The following VCF1 variants were observed in gnomAD, a reference collection of about 807,000 sequenced individuals.
The protein encoded by VCF1 is protein VCF1.
At chr17:73,208,398 A>G in the VCF1 span, 145 of 1,614,128 alleles carry the variant, frequency 9.0e-5, no homozygotes, top group Non-Finnish European at 1.2e-4. Flanking sequence ...AGAAGACAAC[A>G]CGTCTGCACC....
the VCF1 span, among the ~76,000 whole-genome samples, chr17:73,215,480 C>T: frequency 6.6e-6 from 1 of 152,086 alleles, no homozygotes; most frequent in Non-Finnish European, 1.5e-5. Flanking sequence ...CACTATGTTG[C>T]CCAGGCTGGT....
At chr17:73,216,417 G>A in the VCF1 span, among the ~76,000 whole-genome samples, 2 of 152,174 alleles carry the variant, frequency 1.3e-5, no homozygotes, top group Non-Finnish European at 2.9e-5. Context: ...GATCCAGAGA[G>A]TAAGGGAGGG....
chr17:73,211,807 C>G, the VCF1 span, among the ~76,000 whole-genome samples: 22 of 152,148 alleles, frequency 1.4e-4, no homozygotes, highest in Admixed American at 1.2e-3. Context: ...TTGCAGTGAG[C>G]CGAGATCACG....
the VCF1 span, chr17:73,227,629 G>A: frequency 3.0e-6 from 3 of 988,544 alleles, no homozygotes; most frequent in Non-Finnish European, 3.6e-6. Flanking sequence ...TTAGGATTCC[G>A]AGTTACCTAA....
the VCF1 span, chr17:73,232,176 CG>C: frequency 6.2e-7 from 1 of 1,608,782 alleles, no homozygotes; most frequent in Non-Finnish European, 8.5e-7. Flanking sequence ...GGTTGTGTTT[CG>C]GCGGCCGCCA....
chr17:73,228,929 G>A, the VCF1 span, among the ~76,000 whole-genome samples: 38 of 152,288 alleles, frequency 2.5e-4, no homozygotes, highest in Middle Eastern at 3.4e-3. Flanking sequence ...AGCTGACTGG[G>A]CTTTGGGCTG....
the VCF1 span, among the ~76,000 whole-genome samples, chr17:73,220,233 C>G: frequency 6.6e-6 from 1 of 152,132 alleles, no homozygotes; most frequent in South Asian, 2.1e-4. Context: ...AAAAAATCAC[C>G]CAACACTCAG....
At chr17:73,230,434 C>T in the VCF1 span, among the ~76,000 whole-genome samples, 1 of 151,290 alleles carries the variant, frequency 6.6e-6, no homozygotes, top group African/African-American at 2.4e-5. Flanking sequence ...AAGTTTCGCT[C>T]TTGTTGCTCA....
At chr17:73,216,480 C>CGGGAGG in the VCF1 span, among the ~76,000 whole-genome samples, 12 of 151,650 alleles carry the variant, frequency 7.9e-5, no homozygotes, top group African/African-American at 2.4e-4. Flanking sequence ...AGGTGACTGG[C>CGGGAGG]GGGAGGGAGA....
At chr17:73,210,169 G>C in the VCF1 span, among the ~76,000 whole-genome samples, 2 of 152,176 alleles carry the variant, frequency 1.3e-5, no homozygotes, top group African/African-American at 2.4e-5. Flanking sequence ...ATGAGTCATT[G>C]GGACAGAGTA....
At chr17:73,222,541 G>C in the VCF1 span, among the ~76,000 whole-genome samples, 1 of 152,226 alleles carries the variant, frequency 6.6e-6, no homozygotes, top group East Asian at 1.9e-4. Context: ...ACTTTGGAAG[G>C]CCAAGGCGGA....
At chr17:73,225,586 GAAC>G in the VCF1 span, among the ~76,000 whole-genome samples, 1 of 151,722 alleles carries the variant, frequency 6.6e-6, no homozygotes, top group Non-Finnish European at 1.5e-5. Flanking sequence ...TGACTGAAAT[GAAC>G]ATCATATAGC....
At chr17:73,208,853 A>C in the VCF1 span, 457 of 323,022 alleles carry the variant, frequency 1.4e-3, 3 homozygotes, top group African/African-American at 9.3e-3. Flanking sequence ...TGGAATAGTG[A>C]CACAGAAGTT....
the VCF1 span, among the ~76,000 whole-genome samples, chr17:73,219,598 G>A: frequency 6.6e-6 from 1 of 150,710 alleles, no homozygotes; most frequent in Non-Finnish European, 1.5e-5. Context: ...TGCAGTGAGC[G>A]GAGATCACAC....
the VCF1 span, chr17:73,208,324 C>T: frequency 1.2e-5 from 19 of 1,613,796 alleles, no homozygotes; most frequent in South Asian, 7.7e-5. Context: ...GTTGTCCCCC[C>T]GGCACGCTCC....
At chr17:73,217,719 CGAGGCAGGTGGATTGCCT>C in the VCF1 span, among the ~76,000 whole-genome samples, 10,063 of 151,806 alleles carry the variant, frequency 0.066, 418 homozygotes, top group Non-Finnish European at 0.086. Context: ...TTTGGGAGGC[CGAGGCAGGTGGATTGCCT>C]GAGGCAGGTG....
At chr17:73,213,826 C>T in the VCF1 span, among the ~76,000 whole-genome samples, 2 of 152,118 alleles carry the variant, frequency 1.3e-5, no homozygotes, top group Admixed American at 1.3e-4. Context: ...AAAAAGTAGC[C>T]GGGCGTGGTG....
At chr17:73,211,578 A>AAG in the VCF1 span, among the ~76,000 whole-genome samples, 1 of 147,278 alleles carries the variant, frequency 6.8e-6, no homozygotes, top group African/African-American at 2.5e-5. Flanking sequence ...AAAAAAAAAA[A>AAG]AGGCCAGGCG....
the VCF1 span, chr17:73,229,547 C>T: frequency 3.0e-6 from 3 of 985,340 alleles, no homozygotes; most frequent in Non-Finnish European, 3.6e-6. Flanking sequence ...CCTGTCATCT[C>T]CTAGAGACTC....
Sources: allele counts gnomAD v4.1 joint callset (sites outside exome capture counted in the v4.1 genomes callset), GRCh38; gene constraint gnomAD v4.1.1; transcripts MANE v1.5; gene names NCBI Gene and HGNC (gene_info 2026-07-23, HGNC 2026-07-21).